MYO9A: variants seen among roughly 807,000 people sequenced by gnomAD.
MYO9A encodes unconventional myosin-IXa.
MYO9A carries 103 observed loss-of-function variants against 293.3 expected under a neutral mutation model. That is an observed-to-expected ratio of 0.35 (90% CI 0.30 to 0.41). MYO9A has a LOEUF of 0.41. Among genes scored for constraint, MYO9A ranks in the 10% least tolerant of loss-of-function variants. The pLI, the probability that MYO9A is intolerant of heterozygous loss-of-function variation, is 1.00. For missense variants in MYO9A, 2,685 were observed against 3,033.0 expected (o/e 0.89, Z 2.69); for synonymous variants, 1,001 against 1,035.7 (o/e 0.97, Z 0.64).
chr15:71,985,293 T>C (rs1485505377), intron 11 of MYO9A, among the ~76,000 whole-genome samples: 1 of 152,180 alleles, frequency 6.6e-6, no homozygotes, highest in Non-Finnish European at 1.5e-5. Context: ...TCTCTCTCTC[T>C]CTCTGTTTTG....
At chr15:71,895,625 G>A (rs938990121) in intron 25 of MYO9A, among the ~76,000 whole-genome samples, 1 of 152,024 alleles carries the variant, frequency 6.6e-6, no homozygotes, top group Non-Finnish European at 1.5e-5. Flanking sequence ...TCTACAAAAT[G>A]TTAATGTTTC....
intron 8 of MYO9A, among the ~76,000 whole-genome samples, chr15:72,004,155 C>G (rs2076951601): frequency 6.6e-6 from 1 of 152,148 alleles, no homozygotes; most frequent in African/African-American, 2.4e-5. Flanking sequence ...AAATATATTA[C>G]TTTTAGAATA....
intron 11 of MYO9A, among the ~76,000 whole-genome samples, chr15:71,989,083 T>C (rs754613577): frequency 6.6e-6 from 1 of 152,006 alleles, no homozygotes; most frequent in African/African-American, 2.4e-5. Flanking sequence ...TTAGTAGAGA[T>C]GGGGTTTCAC....
chr15:71,842,938 G>C (rs1052801557), intron 39 of MYO9A, among the ~76,000 whole-genome samples: 1 of 151,744 alleles, frequency 6.6e-6, no homozygotes, highest in Non-Finnish European at 1.5e-5. Context: ...TGTATGGGGC[G>C]GGGGGTGGTG....
At chr15:71,956,328 A>ATATATATATAT (rs1555490908) in intron 14 of MYO9A, among the ~76,000 whole-genome samples, 20 of 15,178 alleles carry the variant, frequency 1.3e-3, no homozygotes, top group Admixed American at 3.8e-3. Context: ...AAAAAAAAAA[A>ATATATATATAT]AAATATATAT....
chr15:72,020,057 T>G (rs933203361), intron 5 of MYO9A, among the ~76,000 whole-genome samples: 1 of 152,142 alleles, frequency 6.6e-6, no homozygotes, highest in African/African-American at 2.4e-5. Context: ...CAGCCAAAGA[T>G]GTAACTTTCA....
At chr15:71,936,997 C>A (rs1596238134) in intron 16 of MYO9A, among the ~76,000 whole-genome samples, 8 of 122,080 alleles carry the variant, frequency 6.6e-5, no homozygotes, top group African/African-American at 6.1e-5. Flanking sequence ...AGGAAGGAAG[C>A]AAGTGAGGGA....
At chr15:71,935,729 A>G (rs1209175751) in intron 16 of MYO9A, among the ~76,000 whole-genome samples, 1 of 152,164 alleles carries the variant, frequency 6.6e-6, no homozygotes, top group Admixed American at 6.5e-5. Flanking sequence ...CATATCATGT[A>G]GCTGATATCT....
chr15:72,022,106 C>G (rs542922254), intron 4 of MYO9A, among the ~76,000 whole-genome samples: 31 of 152,286 alleles, frequency 2.0e-4, no homozygotes, highest in Non-Finnish European at 4.0e-4. Flanking sequence ...AGAATATCAA[C>G]TTTATAAAAT....
intron 15 of MYO9A, among the ~76,000 whole-genome samples, chr15:71,945,317 T>C (rs2058884304): frequency 6.6e-6 from 1 of 152,188 alleles, no homozygotes; most frequent in Non-Finnish European, 1.5e-5. Context: ...AATAGCATCT[T>C]GTCTCTCCAA....
chr15:72,043,193 T>C (rs796503140), intron 2 of MYO9A, among the ~76,000 whole-genome samples: 11 of 152,278 alleles, frequency 7.2e-5, no homozygotes, highest in African/African-American at 2.6e-4. Context: ...AATTGAAAAT[T>C]GTAGAACACC....
intron 10 of MYO9A, among the ~76,000 whole-genome samples, chr15:71,991,864 T>G (rs986029331): frequency 2.5e-4 from 38 of 152,158 alleles, no homozygotes; most frequent in African/African-American, 8.4e-4. Flanking sequence ...TGCGATTCTC[T>G]TGCCTCAGCC....
Position 71,946,278 on chromosome 15 carries a change from T to C in MYO9A, c.2302+5499A>G, listed in dbSNP as rs28891670. On this transcript the variant is annotated intron_variant, in intron 15 of 41. Coordinates refer to ENST00000356056, the MANE Select transcript of MYO9A (RefSeq NM_006901.4). ...TTGAAGAGAATTGGTATAATAGTCA[T>C]TTCTTAAATAAAATTACTAATGAGC... Among the ~76,000 whole-genome samples, 640 of 152,342 alleles carry C rather than the reference T, an allele frequency of 4.2e-3. 6 individuals are homozygous for C. The highest frequency in any genetic ancestry group is 0.015 in the African/African-American group (613 of 41,576).
At chr15:71,871,542 A>G (rs1025788005) in intron 32 of MYO9A, among the ~76,000 whole-genome samples, 5 of 151,972 alleles carry the variant, frequency 3.3e-5, no homozygotes, top group African/African-American at 1.2e-4. Flanking sequence ...AAAAAATACA[A>G]AAAAGTTGGC....
chr15:72,053,096 CA>C (rs1469032883), intron 1 of MYO9A, among the ~76,000 whole-genome samples: 1 of 152,136 alleles, frequency 6.6e-6, no homozygotes, highest in Non-Finnish European at 1.5e-5. Context: ...CTAGGGTAGC[CA>C]CTAAAAAAGA....
Position 71,968,092 on chromosome 15 carries a change from G to A in MYO9A, c.1878C>T (p.Asp626=). Reference sequence around the variant, plus strand: ...TATCTTCATGTTGATGCTTAAACTTGTCTAGCAATGTTTGATTTGTAGCCT... The same window carrying A: ...TATCTTCATGTTGATGCTTAAACTTATCTAGCAATGTTTGATTTGTAGCCT... The part of the protein sequence containing the change: ...FPQATNQTLL[D]KFKHQHEDNS... The change falls in exon 13 of 42, where the codon GAC becomes GAT. Residue 626 remains aspartate, a synonymous_variant. Coordinates refer to ENST00000356056, the MANE Select transcript of MYO9A (RefSeq NM_006901.4). 6.2e-7 allele frequency: 1 copy of A among 1,603,660 alleles called. No individual in the cohort carries two copies. The highest frequency in any genetic ancestry group is 8.5e-7 in the Non-Finnish European group (1 of 1,175,008).
chr15:71,998,578 T>TTTA (rs1305908287), intron 9 of MYO9A, among the ~76,000 whole-genome samples: 2 of 151,454 alleles, frequency 1.3e-5, no homozygotes, highest in Admixed American at 6.6e-5. Flanking sequence ...TTTTTTTCTT[T>TTTA]TTATTATTAT....
chr15:72,014,816 A>C (rs1299522275), intron 6 of MYO9A, among the ~76,000 whole-genome samples: 2 of 151,868 alleles, frequency 1.3e-5, no homozygotes, highest in Non-Finnish European at 1.5e-5. Flanking sequence ...AAAGAAAAGA[A>C]AAGAGAAGAA....
intron 1 of MYO9A, among the ~76,000 whole-genome samples, chr15:72,054,332 G>A (rs1165271250): frequency 6.6e-6 from 1 of 152,208 alleles, no homozygotes; most frequent in East Asian, 1.9e-4. Context: ...AAGCCACAGA[G>A]TGGCAAGTAA....
Sources: allele counts gnomAD v4.1 joint callset (sites outside exome capture counted in the v4.1 genomes callset), GRCh38; gene constraint gnomAD v4.1.1; transcripts MANE v1.5; gene names NCBI Gene and HGNC (gene_info 2026-07-23, HGNC 2026-07-21).